GPHN: variants seen among roughly 807,000 people sequenced by gnomAD.
GPHN encodes gephyrin.
GPHN carries 17 observed loss-of-function variants against 95.5 expected under a neutral mutation model. The observed-to-expected ratio is 0.18, with a 90% CI of 0.12 to 0.27. The LOEUF is 0.27. Ranked by LOEUF, GPHN falls within the 10% of genes least tolerant of loss-of-function variation. The probability of loss-of-function intolerance (pLI) is 1.00; values close to 1 mark genes in which losing one functional copy is unlikely to be tolerated. For synonymous variants in GPHN, 320 were observed against 322.5 expected (o/e 0.99, Z 0.08); for missense variants, 660 against 978.1 (o/e 0.67, Z 4.34).
chr14:66,512,702 G>T (rs1370570625), intron 1 of GPHN, among the ~76,000 whole-genome samples: 2 of 151,716 alleles, frequency 1.3e-5, no homozygotes, highest in East Asian at 3.9e-4. Flanking sequence ...AACAGGTAGG[G>T]AGTATTTCAG....
At chr14:67,588,809 C>T in the GPHN span, 1 of 152,590 alleles carries the variant, frequency 6.6e-6, no homozygotes, top group Non-Finnish European at 1.5e-5. Flanking sequence ...ACTGCGAGGC[C>T]AGAACTAGTT....
the GPHN span, among the ~76,000 whole-genome samples, chr14:67,282,449 A>G: frequency 6.6e-6 from 1 of 152,168 alleles, no homozygotes; most frequent in Non-Finnish European, 1.5e-5. Context: ...TGAGTAGACA[A>G]AGTATTCTTT....
chr14:67,385,436 T>C, the GPHN span: 1 of 120,436 alleles, frequency 8.3e-6, no homozygotes, highest in Non-Finnish European at 1.6e-5. Flanking sequence ...CAAGACCCTG[T>C]CTCAAAAAAA....
At chr14:67,644,997 T>TAA in the GPHN span, among the ~76,000 whole-genome samples, 17,025 of 132,210 alleles carry the variant, frequency 0.13, 1,039 homozygotes, top group Admixed American at 0.15. Flanking sequence ...GACTCCGTCT[T>TAA]AAAAAAAAAA....
chr14:67,576,431 G>A, the GPHN span: 1 of 1,609,658 alleles, frequency 6.2e-7, no homozygotes, highest in Non-Finnish European at 8.5e-7. This position sits in a 1 kb window ranked among gnomAD's most constrained non-coding sequence, Gnocchi z 4.0. Flanking sequence ...GGCTGCAGGT[G>A]GCAGCAGTGC....
the GPHN span, chr14:67,559,667 A>G: frequency 6.2e-7 from 1 of 1,606,628 alleles, no homozygotes. Flanking sequence ...AGATCAAGGA[A>G]TGGGTGACAC....
At chr14:67,110,028 A>G in intron 13 of GPHN, 112 bp from the exon 14 acceptor site, 1 of 940,504 alleles carries the variant, frequency 1.1e-6, no homozygotes, top group Non-Finnish European at 1.7e-6. Context: ...ATAAGACTGT[A>G]AGACTTTCTT....
At chr14:67,519,556 G>A in the GPHN span, among the ~76,000 whole-genome samples, 1 of 152,130 alleles carries the variant, frequency 6.6e-6, no homozygotes, top group Non-Finnish European at 1.5e-5. Flanking sequence ...AGCCCTACTA[G>A]GTACTGCACA....
the GPHN span, chr14:67,470,807 G>A: frequency 1.2e-3 from 184 of 152,816 alleles, 2 homozygotes; most frequent in Non-Finnish European, 9.0e-4. Flanking sequence ...CTGTAACTCA[G>A]AGATGCTGCC....
chr14:67,006,155 G>T (rs2072594167), intron 9 of GPHN, among the ~76,000 whole-genome samples: 1 of 152,078 alleles, frequency 6.6e-6, no homozygotes, highest in African/African-American at 2.4e-5. Flanking sequence ...GCAGCAGCTT[G>T]TAGAACAAAG....
chr14:66,774,068 A>C (rs1382218915), intron 2 of GPHN, among the ~76,000 whole-genome samples: 4 of 136,208 alleles, frequency 2.9e-5, no homozygotes, highest in African/African-American at 5.9e-5. Context: ...CAGTGGCTCA[A>C]TCTCGGCTCA....
At chr14:67,118,652 C>T (rs565179538) in intron 16 of GPHN, among the ~76,000 whole-genome samples, 1 of 151,830 alleles carries the variant, frequency 6.6e-6, no homozygotes, top group African/African-American at 2.4e-5. Context: ...GGCGTGAACC[C>T]GGGAGGCGGA....
chr14:67,163,649 GTA>G (rs2082091779), intron 19 of GPHN, among the ~76,000 whole-genome samples: 1 of 152,104 alleles, frequency 6.6e-6, no homozygotes, highest in Non-Finnish European at 1.5e-5. Context: ...CAGTGTCACT[GTA>G]TTATTGCAAA....
rs377187352 is a variant in GPHN, at chr14:66,654,337, C to T, written c.65-26770C>T. ...CTCGAACCCCTGGCCTCAAGTGATC[C>T]GCCTGCCTCAGCCTCCCAAAGTGCT... On this transcript the variant is annotated intron_variant, in intron 1 of 22. Coordinates refer to ENST00000478722, the MANE Select transcript of GPHN (RefSeq NM_020806.5). 5.3e-5 allele frequency among the ~76,000 whole-genome samples: 8 copies of T among 152,144 alleles called. No individual in the cohort carries two copies. In the East Asian group the frequency reaches 7.7e-4, roughly 15 times the overall value.
In GPHN at chr14:66,732,804, C is replaced by T. The variant is rs111269306; in HGVS notation, c.144-43660C>T. 1.7e-3 allele frequency among the ~76,000 whole-genome samples: 265 copies of T among 152,302 alleles called. 1 individual carries two copies. The highest frequency in any genetic ancestry group is 6.3e-3 in the African/African-American group (261 of 41,572). ...TGCTGGGGTTACAGGAATGAGCCAC[C>T]GCATCTGGCCTTGTTTTTTATTTTA... On this transcript the variant is annotated intron_variant, in intron 2 of 22. Transcript: ENST00000478722.
chr14:67,489,018 T>A, the GPHN span, among the ~76,000 whole-genome samples: 2 of 151,836 alleles, frequency 1.3e-5, no homozygotes, highest in African/African-American at 4.8e-5. Flanking sequence ...CAAGAGTAGA[T>A]CCCAGGGGAC....
At chr14:67,508,987 C>T in the GPHN span, among the ~76,000 whole-genome samples, 1 of 152,000 alleles carries the variant, frequency 6.6e-6, no homozygotes, top group African/African-American at 2.4e-5. Flanking sequence ...GGCCCAGAAA[C>T]TAGGTTGGAG....
At chr14:67,166,165 G>A (rs894214783) in intron 20 of GPHN, among the ~76,000 whole-genome samples, 4 of 152,090 alleles carry the variant, frequency 2.6e-5, no homozygotes, top group African/African-American at 9.7e-5. Flanking sequence ...AACATTTTAA[G>A]CCCCTATCTA....
chr14:67,388,322 C>G, the GPHN span: 1 of 1,536,142 alleles, frequency 6.5e-7, no homozygotes, highest in Non-Finnish European at 9.0e-7. Flanking sequence ...AAAGGAGACC[C>G]AATTAGGAAT....
Sources: gnomAD v4.1 joint callset for allele counts (sites outside exome capture counted in the v4.1 genomes callset) on GRCh38, gnomAD v4.1.1 for gene constraint, Gnocchi (gnomAD v3.1) non-coding constraint, MANE v1.5 for transcripts, NCBI Gene and HGNC (gene_info 2026-07-23, HGNC 2026-07-21) for gene names.